The following ZNF638 variants were observed in gnomAD, a reference collection of about 807,000 sequenced individuals.
ZNF638 encodes zinc finger protein 638.
ZNF638 carries 46 observed loss-of-function variants against 195.6 expected under a neutral mutation model. The observed-to-expected ratio is 0.24, with a 90% confidence interval of 0.19 to 0.30. The LOEUF (loss-of-function observed/expected upper bound fraction) is 0.30, where lower values mean the gene tolerates loss of function less well. Ranked by LOEUF, ZNF638 falls within the 10% of genes least tolerant of loss-of-function variation. The pLI is 1.00. For missense variants in ZNF638, 2,440 were observed against 2,325.3 expected (o/e 1.05, Z -1.01); for synonymous variants, 845 against 772.0 (o/e 1.09, Z -1.57).
At chr2:71,344,329 T>C (rs2078815967) in intron 1 of ZNF638, among the ~76,000 whole-genome samples, 1 of 152,208 alleles carries the variant, frequency 6.6e-6, no homozygotes, top group Admixed American at 6.5e-5. Flanking sequence ...AAAATACAGA[T>C]GTACTATAGT....
chr2:71,399,608 CA>C lies in ZNF638; in HGVS notation c.2555del (p.Asn852ThrfsTer8). Reference sequence around the variant, plus strand: ...TAGAAGCCAAAAAGACTGGGAATGTCAAAAACAAAGACTCTAACAAACCTGT... The same window carrying C: ...TAGAAGCCAAAAAGACTGGGAATGTCAAAACAAAGACTCTAACAAACCTGT... ...SLEAKKTGNV[K>X]NKDSNKPVTI... is the part of the protein sequence containing the mutation. On this transcript the variant is annotated frameshift_variant, in exon 13 of 28. Coordinates refer to ENST00000264447, the MANE Select transcript of ZNF638 (RefSeq NM_014497.5). LOFTEE classifies it high-confidence loss of function. 6.2e-7 allele frequency: 1 copy of C among 1,612,572 alleles called. No homozygotes were observed.
intron 2 of ZNF638, among the ~76,000 whole-genome samples, chr2:71,355,356 A>T (rs768297460): frequency 6.6e-6 from 1 of 152,140 alleles, no homozygotes; most frequent in Non-Finnish European, 1.5e-5. Flanking sequence ...CGTTTTACTT[A>T]TAGATTTTTT....
Position 71,428,646 on chromosome 2 carries a change from G to C in ZNF638, c.5645G>C (p.Ser1882Thr), listed in dbSNP as rs370724102. The C allele has an allele frequency of 1.2e-6, 2 of 1,613,088 alleles. No individual in the cohort carries two copies. The highest frequency in any genetic ancestry group is 1.7e-6 in the Non-Finnish European group (2 of 1,179,452). The change falls in exon 25 of 28, where the codon AGT (serine) becomes ACT (threonine). Residue 1882 changes from serine to threonine, a missense_variant. Ser to Thr is a moderately conservative substitution (Grantham distance 58). Transcript: ENST00000264447. ...AAAGGTGAAGAGGCCTTCCAGATGA[G>C]TGAAGGTAAAGCAGGATTGTTGGAA... ...PAKGEEAFQM[S>T]EVDEESGLKD... is the part of the protein sequence containing the mutation.
intron 20 of ZNF638, among the ~76,000 whole-genome samples, chr2:71,409,638 T>C (rs1383355710): frequency 6.6e-6 from 1 of 152,172 alleles, no homozygotes; most frequent in Non-Finnish European, 1.5e-5. Flanking sequence ...GATTATGGTT[T>C]TCTTGTATGG....
chr2:71,355,623 T>G, intron 2 of ZNF638, 96 bp from the exon 3 acceptor site: 1 of 932,186 alleles, frequency 1.1e-6, no homozygotes, highest in South Asian at 1.7e-5. Flanking sequence ...TTTGTTTAAT[T>G]TTTGAACAAA....
chr2:71,387,245 A>G (rs538177650), intron 10 of ZNF638, among the ~76,000 whole-genome samples: 1 of 152,204 alleles, frequency 6.6e-6, no homozygotes, highest in African/African-American at 2.4e-5. Flanking sequence ...AAAAAGTAGG[A>G]CAGAAGAGAG....
Position 71,365,395 on chromosome 2 carries a change from T to G in ZNF638, c.1718-34T>G, listed in dbSNP as rs757511040. 20 of 1,504,002 alleles carry G rather than the reference T, an allele frequency of 1.3e-5. No homozygotes were observed. In the Admixed American group the frequency reaches 1.5e-4, roughly 12 times the overall value. 93.2% of individuals were successfully genotyped at this position (1,504,002 alleles called of 1,614,324 possible). A position where few individuals can be genotyped will look rare whatever the true frequency, so the allele number is the denominator to read the frequency against. ...GAGATGGCTCCTACCTTAATTTTTT[T>G]CCAATTGAAATTATATTTATATCTT... On this transcript the variant is annotated intron_variant, in intron 5 of 27. Transcript: ENST00000264447.
Position 71,361,190 on chromosome 2 carries a change from C to T in ZNF638, c.1380-1963C>T, listed in dbSNP as rs376094726. Among the ~76,000 whole-genome samples the T allele has an allele frequency of 6.6e-5, 10 of 152,078 alleles. No homozygotes were observed. In the South Asian group the frequency reaches 1.7e-3, roughly 25 times the overall value. On this transcript the variant is annotated intron_variant, in intron 3 of 27. Coordinates refer to ENST00000264447, the MANE Select transcript of ZNF638 (RefSeq NM_014497.5). ...CTGGTCTCAAACTCCTGAGCTCAAG[C>T]GATCTGCCTACCTCAGCCTCCCGAA...
chr2:71,399,960 T>G, intron 13 of ZNF638, 152 bp from the exon 14 acceptor site: 2 of 592,300 alleles, frequency 3.4e-6, no homozygotes, highest in Non-Finnish European at 5.6e-6. Flanking sequence ...TGGGGATTGC[T>G]GTCTTTTGTT....
chr2:71,376,121 G>A (rs945275586), intron 8 of ZNF638: 1 of 152,218 alleles, frequency 6.6e-6, no homozygotes, highest in Non-Finnish European at 1.5e-5. Context: ...AGCAGTGTAA[G>A]TCCAAGAGCC....
chr2:71,406,816 A>G (rs955967490), intron 19 of ZNF638, among the ~76,000 whole-genome samples: 5 of 152,110 alleles, frequency 3.3e-5, no homozygotes, highest in African/African-American at 9.6e-5. Context: ...CCTGGGCAAC[A>G]TAGTGGGATG....
At chr2:71,335,289 C>T (rs994669332) in intron 1 of ZNF638, among the ~76,000 whole-genome samples, 1 of 152,168 alleles carries the variant, frequency 6.6e-6, no homozygotes, top group African/African-American at 2.4e-5. Context: ...CATCCTCCCA[C>T]CTTAACCCGC....
In ZNF638 at chr2:71,427,406, A is replaced by C. The variant is rs376473828; in HGVS notation, c.5537A>C (p.His1846Pro). Residue 1846 changes from histidine to proline, a missense_variant, in exon 24 of 28, where the codon CAC becomes CCC. Around this residue, in one of 5 missense-constraint regions of ZNF638, gnomAD observed 1,883 missense variants for 1,739.1 expected, o/e 1.08. Transcript: ENST00000264447. ...EEDLKTMIER[H>P]LTAKTPTKRV... ...GATCTAAAAACCATGATTGAAAGAC[A>C]CTTAACAGGTAGATACTTGGAAGGG... is the stretch of plus-strand genomic sequence containing the variant. 1.3e-6 allele frequency: 2 copies of C among 1,557,672 alleles called. No individual in the cohort carries two copies. The highest frequency in any genetic ancestry group is 2.8e-5 in the African/African-American group (2 of 72,352).
chr2:71,385,507 G>A (rs558952818), intron 10 of ZNF638, among the ~76,000 whole-genome samples: 1 of 152,246 alleles, frequency 6.6e-6, no homozygotes, highest in Admixed American at 6.5e-5. Context: ...TTGGTGGGAG[G>A]GAGGTGGCTA....
intron 1 of ZNF638, among the ~76,000 whole-genome samples, chr2:71,339,587 A>G (rs1429775690): frequency 6.6e-6 from 1 of 152,216 alleles, no homozygotes; most frequent in Non-Finnish European, 1.5e-5. Context: ...TTCAGAAACA[A>G]TTGGGACTGG....
intron 6 of ZNF638, among the ~76,000 whole-genome samples, 182 bp from the exon 7 acceptor site, chr2:71,368,200 T>TA (rs1412411271): frequency 6.6e-6 from 1 of 152,184 alleles, no homozygotes; most frequent in African/African-American, 2.4e-5. Flanking sequence ...ATTAAAGTGT[T>TA]AAAATCGTGA....
intron 19 of ZNF638, chr2:71,407,898 A>G: frequency 2.5e-6 from 1 of 395,150 alleles, no homozygotes; most frequent in Admixed American, 4.4e-5. Context: ...TACGCATGTA[A>G]CACATTTTTA....
chr2:71,423,566 A>G lies in ZNF638; in HGVS notation c.4052A>G (p.Glu1351Gly), dbSNP rs773398030. Residue 1351 changes from glutamate (E) to glycine (G), a missense_variant, in exon 22 of 28, where the codon GAA (glutamate) becomes GGA (glycine). By Grantham distance (98) the Glu-to-Gly change is moderately conservative (BLOSUM62 -2). Transcript: ENST00000264447. Reference protein sequence around the residue: ...EKVEKMAAMKEKPAENTLFKA... With the variant: ...EKVEKMAAMKGKPAENTLFKA... ...GTGGAAAAGATGGCAGCAATGAAAG[A>G]AAAGCCTGCAGAAAACACTTTATTC... is the stretch of plus-strand genomic sequence containing the variant. The G allele has an allele frequency of 3.1e-6, 5 of 1,613,946 alleles. No individual in the cohort carries two copies. In the African/African-American group the frequency reaches 4.0e-5, roughly 13 times the overall value.
chr2:71,411,977 T>G (rs1367255252), intron 20 of ZNF638, among the ~76,000 whole-genome samples: 2 of 102,772 alleles, frequency 1.9e-5, no homozygotes, highest in African/African-American at 8.1e-5. Flanking sequence ...TTATAGTCCT[T>G]TGGGTATATA....
Sources: allele counts gnomAD v4.1 joint callset (sites outside exome capture counted in the v4.1 genomes callset), GRCh38; gene constraint gnomAD v4.1.1; regional missense constraint gnomAD v4.1.1; transcripts MANE v1.5; gene names NCBI Gene and HGNC (gene_info 2026-07-23, HGNC 2026-07-21).